SCHIP1: variants seen among roughly 807,000 people sequenced by gnomAD.
SCHIP1 encodes schwannomin-interacting protein 1.
SCHIP1 carries 8 observed loss-of-function variants against 29.7 expected under a neutral mutation model. The ratio of observed to expected loss-of-function variants is 0.27; its 90% confidence interval spans 0.16 to 0.49. The LOEUF (loss-of-function observed/expected upper bound fraction) is 0.49, where lower values mean the gene tolerates loss of function less well. Ranked by LOEUF, SCHIP1 falls within the 20% of genes least tolerant of loss-of-function variation. The pLI is 0.99. For synonymous variants in SCHIP1, 76 were observed against 94.9 expected (o/e 0.80, Z 1.16); for missense variants, 193 against 294.6 (o/e 0.66, Z 2.52).
chr3:159,274,217 C>G, the SCHIP1 span: 2 of 985,006 alleles, frequency 2.0e-6, no homozygotes, highest in African/African-American at 3.5e-5. Context: ...TCCAAATGTA[C>G]AATCTGTTGC....
At chr3:159,864,377 C>T (rs370879920) in intron 1 of SCHIP1, among the ~76,000 whole-genome samples, 2 of 151,184 alleles carry the variant, frequency 1.3e-5, no homozygotes, top group Admixed American at 6.6e-5. Context: ...TGTGCTAGCC[C>T]GGCAAAAAAT....
the SCHIP1 span, among the ~76,000 whole-genome samples, chr3:159,828,389 A>G: frequency 5.1e-3 from 131 of 25,904 alleles, 5 homozygotes; most frequent in East Asian, 0.023. Context: ...ATATATATAC[A>G]TATATACGTA....
the SCHIP1 span, among the ~76,000 whole-genome samples, chr3:159,706,718 T>A: frequency 6.6e-6 from 1 of 152,134 alleles, no homozygotes; most frequent in Non-Finnish European, 1.5e-5. Flanking sequence ...CTCGTTACTA[T>A]ACTCCCCTGA....
At chr3:159,764,547 C>T in the SCHIP1 span, 2 of 1,596,996 alleles carry the variant, frequency 1.3e-6, no homozygotes, top group Non-Finnish European at 1.7e-6. This position sits in a 1 kb window ranked among gnomAD's most constrained non-coding sequence, Gnocchi z 6.1. Flanking sequence ...CCCCTTGCTC[C>T]GAGTGCAAAT....
At chr3:159,631,094 A>G in the SCHIP1 span, among the ~76,000 whole-genome samples, 2 of 152,130 alleles carry the variant, frequency 1.3e-5, no homozygotes, top group Non-Finnish European at 2.9e-5. Context: ...ATCATTAGTA[A>G]TTAGGGAAAT....
chr3:159,886,366 T>A (rs758130597), intron 3 of SCHIP1, 42 bp downstream of exon 4: 4 of 1,570,848 alleles, frequency 2.5e-6, no homozygotes, highest in Admixed American at 3.4e-5. Flanking sequence ...TGTTGTGATT[T>A]CCGGGCCATT....
At chr3:159,398,595 G>A in the SCHIP1 span, among the ~76,000 whole-genome samples, 8 of 152,122 alleles carry the variant, frequency 5.3e-5, no homozygotes, top group Non-Finnish European at 4.4e-5. Context: ...TAATCCTGGT[G>A]GTTCTTTGCA....
the SCHIP1 span, among the ~76,000 whole-genome samples, chr3:159,669,929 C>T: frequency 4.3e-3 from 661 of 152,262 alleles, 8 homozygotes; most frequent in Admixed American, 0.023. Context: ...CTGAGCCTGT[C>T]GTCAGGGAGC....
At chr3:159,575,106 G>A in the SCHIP1 span, among the ~76,000 whole-genome samples, 1 of 152,180 alleles carries the variant, frequency 6.6e-6, no homozygotes, top group Admixed American at 6.5e-5. Context: ...TCCATGGGCT[G>A]CACCCACTGT....
At chr3:159,622,959 G>A in the SCHIP1 span, among the ~76,000 whole-genome samples, 11 of 152,112 alleles carry the variant, frequency 7.2e-5, no homozygotes, top group Admixed American at 7.2e-4. Flanking sequence ...GGAAACATAT[G>A]TGCATAGATA....
At chr3:159,381,879 T>G in the SCHIP1 span, among the ~76,000 whole-genome samples, 1 of 152,196 alleles carries the variant, frequency 6.6e-6, no homozygotes, top group Non-Finnish European at 1.5e-5. Flanking sequence ...ATTACAGGCG[T>G]GAGCCACTGT....
chr3:159,341,659 G>A, the SCHIP1 span, among the ~76,000 whole-genome samples: 8 of 152,048 alleles, frequency 5.3e-5, no homozygotes, highest in African/African-American at 1.7e-4. Flanking sequence ...CTCGAGCTTC[G>A]TTTACCTAGA....
At chr3:159,774,345 T>C in the SCHIP1 span, among the ~76,000 whole-genome samples, 5 of 152,312 alleles carry the variant, frequency 3.3e-5, no homozygotes, top group Admixed American at 6.5e-5. Context: ...TTGTGAATAA[T>C]TATCTTCCTG....
At chr3:159,335,930 CA>C in the SCHIP1 span, among the ~76,000 whole-genome samples, 1 of 152,214 alleles carries the variant, frequency 6.6e-6, no homozygotes, top group Non-Finnish European at 1.5e-5. Flanking sequence ...CTGACTTCCA[CA>C]ATGGTTGAAC....
At chr3:159,888,886 G>A in exon 5 of SCHIP1, 1 of 1,614,120 alleles carries the variant, frequency 6.2e-7, no homozygotes, top group East Asian at 2.2e-5. Flanking sequence ...CGACCTGAGA[G>A]ACATGACTAT....
chr3:159,804,206 C>G, the SCHIP1 span, among the ~76,000 whole-genome samples: 1 of 152,134 alleles, frequency 6.6e-6, no homozygotes, highest in Non-Finnish European at 1.5e-5. Flanking sequence ...AAATCCCACT[C>G]TTTTAGAGCT....
the SCHIP1 span, among the ~76,000 whole-genome samples, chr3:159,403,118 C>CTT: frequency 2.6e-5 from 4 of 152,146 alleles, no homozygotes; most frequent in Non-Finnish European, 4.4e-5. Context: ...AGCCCACATA[C>CTT]TTTATCCATT....
At chr3:159,506,413 G>A in the SCHIP1 span, among the ~76,000 whole-genome samples, 2 of 152,154 alleles carry the variant, frequency 1.3e-5, no homozygotes, top group Non-Finnish European at 2.9e-5. Flanking sequence ...CCATTCTGTA[G>A]GTTGCCTGTT....
At chr3:159,524,543 G>A in the SCHIP1 span, among the ~76,000 whole-genome samples, 31 of 152,272 alleles carry the variant, frequency 2.0e-4, no homozygotes, top group East Asian at 5.6e-3. Context: ...TAGATCCAAA[G>A]ACCTGCAGCA....
Sources: gnomAD v4.1 joint callset for allele counts (sites outside exome capture counted in the v4.1 genomes callset) on GRCh38, gnomAD v4.1.1 for gene constraint, Gnocchi (gnomAD v3.1) non-coding constraint, MANE v1.5 for transcripts, NCBI Gene and HGNC (gene_info 2026-07-23, HGNC 2026-07-21) for gene names.